The following SPATA31G1 variants were observed in gnomAD, a reference collection of about 807,000 sequenced individuals.
SPATA31G1 encodes SPATA31 subfamily G member 1.
chr9:35,043,828 G>A, the SPATA31G1 span: 1 of 1,614,174 alleles, frequency 6.2e-7, no homozygotes, highest in Non-Finnish European at 8.5e-7. Context: ...GAACTCCAGA[G>A]AGAGAGTTCC....
chr9:35,044,175 G>C, the SPATA31G1 span: 5 of 1,614,120 alleles, frequency 3.1e-6, no homozygotes, highest in Non-Finnish European at 4.2e-6. Context: ...CCCAGACCCT[G>C]TTCATAGCAC....
At chr9:35,042,139 T>C in the SPATA31G1 span, 1 of 1,451,432 alleles carries the variant, frequency 6.9e-7, no homozygotes, top group Non-Finnish European at 9.1e-7. Flanking sequence ...GGAAATTTTT[T>C]TTGGTTCTAA....
the SPATA31G1 span, chr9:35,042,417 A>G: frequency 1.2e-6 from 2 of 1,614,220 alleles, no homozygotes; most frequent in Non-Finnish European, 1.7e-6. Flanking sequence ...GCAGATTCAG[A>G]GATGGTGGCA....
At chr9:35,044,845 TGAA>T in the SPATA31G1 span, 1 of 1,614,032 alleles carries the variant, frequency 6.2e-7, no homozygotes. Context: ...GCTGAAGCTG[TGAA>T]GATTGAACGC....
chr9:35,043,798 C>T, the SPATA31G1 span: 5 of 1,614,030 alleles, frequency 3.1e-6, 1 homozygote, highest in Admixed American at 8.3e-5. Flanking sequence ...GTCCCTTGCC[C>T]TCCCCTAGAC....
At chr9:35,042,740 C>A in the SPATA31G1 span, 51 of 1,359,622 alleles carry the variant, frequency 3.8e-5, no homozygotes, top group Non-Finnish European at 4.7e-5. Flanking sequence ...TGACTGGCCA[C>A]ACACGTGGGA....
chr9:35,042,634 G>A, the SPATA31G1 span: 1 of 1,297,834 alleles, frequency 7.7e-7, no homozygotes, highest in South Asian at 1.4e-5. Context: ...GAAGCCAGGT[G>A]AGTGACCATG....
the SPATA31G1 span, chr9:35,043,516 A>T: frequency 6.2e-7 from 1 of 1,614,150 alleles, no homozygotes; most frequent in Admixed American, 1.7e-5. Flanking sequence ...GTGGACCACA[A>T]GGGAGTTTTA....
the SPATA31G1 span, chr9:35,043,512 C>T: frequency 6.2e-7 from 1 of 1,614,176 alleles, no homozygotes; most frequent in Non-Finnish European, 8.5e-7. Flanking sequence ...CCCTGTGGAC[C>T]ACAAGGGAGT....
the SPATA31G1 span, chr9:35,043,361 C>A: frequency 6.2e-7 from 1 of 1,614,036 alleles, no homozygotes; most frequent in Non-Finnish European, 8.5e-7. Context: ...TGTTGCTTCC[C>A]CAGTATCACT....
chr9:35,042,241 G>A, the SPATA31G1 span: 50 of 1,612,598 alleles, frequency 3.1e-5, no homozygotes, highest in Middle Eastern at 5.0e-4. Flanking sequence ...TAAACTGCCA[G>A]AAGGCTAAGG....
At chr9:35,042,128 A>C in the SPATA31G1 span, 2 of 1,423,502 alleles carry the variant, frequency 1.4e-6, no homozygotes. Context: ...TGCCTGATAG[A>C]GGAAATTTTT....
the SPATA31G1 span, chr9:35,042,494 C>T: frequency 1.9e-6 from 3 of 1,614,104 alleles, no homozygotes; most frequent in Non-Finnish European, 2.5e-6. Context: ...AGGTGGGTGA[C>T]CTGTGACTGT....
the SPATA31G1 span, chr9:35,045,181 A>G: frequency 6.8e-6 from 11 of 1,614,038 alleles, no homozygotes; most frequent in Admixed American, 1.8e-4. Flanking sequence ...CAAGAAGTTC[A>G]GCGCACAGTA....
the SPATA31G1 span, chr9:35,042,056 CA>C: frequency 1.4e-6 from 1 of 736,560 alleles, no homozygotes; most frequent in South Asian, 2.0e-5. Flanking sequence ...ATGCCTGAAG[CA>C]TAATTCTGAA....
chr9:35,043,341 A>T, the SPATA31G1 span: 1 of 1,614,030 alleles, frequency 6.2e-7, no homozygotes, highest in South Asian at 1.1e-5. Flanking sequence ...CTTCCTACCT[A>T]GGTCCAACCT....
chr9:35,044,297 G>A, the SPATA31G1 span: 1 of 1,614,002 alleles, frequency 6.2e-7, no homozygotes, highest in Non-Finnish European at 8.5e-7. Flanking sequence ...CGGCTTCTAG[G>A]TCTCCATCTC....
the SPATA31G1 span, chr9:35,043,832 G>A: frequency 6.2e-7 from 1 of 1,614,184 alleles, no homozygotes. Flanking sequence ...TCCAGAGAGA[G>A]AGTTCCCTGG....
At chr9:35,042,017 C>A in the SPATA31G1 span, 3 of 554,302 alleles carry the variant, frequency 5.4e-6, no homozygotes, top group Admixed American at 9.6e-5. Flanking sequence ...TAAGGCAGTT[C>A]GGTGCTAGAA....
Sources: gnomAD v4.1 joint callset for allele counts on GRCh38, gnomAD v4.1.1 for gene constraint, MANE v1.5 for transcripts, NCBI Gene and HGNC (gene_info 2026-07-23, HGNC 2026-07-21) for gene names.